COL18A1: variants seen among roughly 807,000 people sequenced by gnomAD.
COL18A1 encodes the protein collagen type XVIII alpha 1 chain.
Under a neutral mutation model 168.0 loss-of-function variants are expected in COL18A1, and 133 were observed. The observed-to-expected ratio is 0.79, with a 90% confidence interval of 0.69 to 0.91. COL18A1 has a LOEUF of 0.91. Ranked by LOEUF, COL18A1 falls within the 40% of genes least tolerant of loss-of-function variation. COL18A1 has a pLI of 0.00. For synonymous variants in COL18A1, 949 were observed against 809.0 expected (o/e 1.17, Z -2.94); for missense variants, 2,126 against 1,925.4 (o/e 1.10, Z -1.95).
intron 4 of COL18A1, 21 bp downstream of exon 4, chr21:45,474,002 G>A (rs756469157): frequency 9.6e-6 from 15 of 1,560,966 alleles, no homozygotes; most frequent in South Asian, 2.3e-5. Context: ...TCTGGGGCAC[G>A]GGTGGGGTCT....
chr21:45,407,186 C>G (rs550962361), intron 2 of COL18A1, among the ~76,000 whole-genome samples: 52 of 152,366 alleles, frequency 3.4e-4, no homozygotes, highest in African/African-American at 1.2e-3. Flanking sequence ...ACAGTCGCCC[C>G]CTTTAGGGGT....
intron 2 of COL18A1, among the ~76,000 whole-genome samples, chr21:45,451,231 A>G (rs1014448498): frequency 5.3e-5 from 8 of 152,230 alleles, no homozygotes; most frequent in Non-Finnish European, 1.0e-4. Flanking sequence ...CCATGGTACC[A>G]CAGCACTGTA....
At chr21:45,503,706 C>T (rs1424797035) in intron 32 of COL18A1, among the ~76,000 whole-genome samples, 2 of 151,422 alleles carry the variant, frequency 1.3e-5, no homozygotes, top group Non-Finnish European at 2.9e-5. Context: ...TTAGTGGGTG[C>T]AGCACACCAG....
rs192300930 is a variant in COL18A1 at position 45,490,177 on chromosome 21, C to T, written c.1960-98C>T. 6,175 of 968,790 alleles carry T rather than the reference C, an allele frequency of 6.4e-3. 28 individuals carry two copies. Among genetic ancestry groups the T allele is most frequent in the Non-Finnish European group, 8.0e-3 (5,072 of 630,502 alleles). 60.0% of individuals were successfully genotyped at this position (968,790 alleles called of 1,614,324 possible). ...CAGGGGTGAGAGAGAGAAGTCCAGG[C>T]CATCGCCACGTCCACGGGTGCCCCG... On this transcript the variant is annotated intron_variant, in intron 19 of 41. Transcript: ENST00000651438.
At chr21:45,494,387 C>T in intron 26 of COL18A1, 158 bp from the exon 27 acceptor site, 1 of 1,021,782 alleles carries the variant, frequency 9.8e-7, no homozygotes, top group Non-Finnish European at 1.5e-6. Flanking sequence ...TTGGGGACGG[C>T]CCAGTGCACC....
At position 45,492,713 on chromosome 21, in the gene COL18A1, C is replaced by T. The variant is rs199910738; in HGVS notation, c.2214C>T (p.Pro738=). 8.0e-5 allele frequency: 128 copies of T among 1,606,380 alleles called. 1 individual carries two copies. In the East Asian group the frequency reaches 1.8e-3, roughly 23 times the overall value. Residue 738 remains proline, a splice_region_variant and synonymous_variant, in exon 24 of 42, where the codon CCC becomes CCT. Transcript: ENST00000651438. ...GCCGGCCGGGTTTCGCAGGCTTTCC[C>T]GTGAGTAACCTGGTGCCAGAGCTGC... ...PEGRPGFAGF[P]GPAGPKGNLG...
chr21:45,428,019 C>A (rs1408768690), intron 2 of COL18A1, among the ~76,000 whole-genome samples: 1 of 152,204 alleles, frequency 6.6e-6, no homozygotes, highest in Non-Finnish European at 1.5e-5. Flanking sequence ...ACAGCCAACG[C>A]AGCCTACTCC....
chr21:45,414,524 G>A (rs147041889), intron 2 of COL18A1, among the ~76,000 whole-genome samples: 202 of 152,280 alleles, frequency 1.3e-3, no homozygotes, highest in African/African-American at 4.7e-3. Context: ...GGGACGTCTG[G>A]CATTTTAACA....
chr21:45,476,346 T>A lies in COL18A1; in HGVS notation c.799-5T>A, dbSNP rs1208743743. 1.9e-6 allele frequency: 3 copies of A among 1,613,900 alleles called. No individual in the cohort carries two copies. The highest frequency in any genetic ancestry group is 2.7e-5 in the African/African-American group (2 of 75,048). On this transcript the variant is annotated splice_polypyrimidine_tract_variant and splice_region_variant and intron_variant, in intron 5 of 41. Transcript: ENST00000651438. ...TAACAGGCCACCTCCCCTCTCGTCC[T>A]CCAGGGCGCGGCCCTAAAACCCAGG...
rs1319860336 is a variant in COL18A1, at chr21:45,510,179, C to T, written c.3611C>T (p.Ala1204Val). ...GTGGGGCTGGCGGGCACCTTCCGCG[C>T]CTTCCTGTCCTCGCGCCTGCAGGAC... ...RAVGLAGTFR[A>V]FLSSRLQDLY... The change falls in exon 40 of 42, where the codon GCC (alanine) becomes GTC (valine). Residue 1204 changes from alanine to valine, a missense_variant. Transcript: ENST00000651438. 9 of 1,597,264 alleles carry T rather than the reference C, an allele frequency of 5.6e-6. No individual in the cohort carries two copies. Among genetic ancestry groups the T allele is most frequent in the Middle Eastern group, 1.7e-4 (1 of 6,022 alleles).
chr21:45,466,156 C>T (rs940383653), intron 2 of COL18A1, among the ~76,000 whole-genome samples: 1 of 152,148 alleles, frequency 6.6e-6, no homozygotes, highest in African/African-American at 2.4e-5. Flanking sequence ...GATGGACGTC[C>T]CCGGTCCCCT....
intron 29 of COL18A1, 122 bp downstream of exon 29, chr21:45,495,554 G>A: frequency 2.5e-6 from 2 of 800,670 alleles, no homozygotes; most frequent in Non-Finnish European, 4.3e-6. Context: ...CTGCCATGTG[G>A]CCACACAGCA....
chr21:45,474,533 G>A (rs1454613539), intron 4 of COL18A1, among the ~76,000 whole-genome samples: 2 of 151,854 alleles, frequency 1.3e-5, no homozygotes, highest in Non-Finnish European at 2.9e-5. Flanking sequence ...GTGTCTGCAT[G>A]TCTGCATGGT....
intron 2 of COL18A1, among the ~76,000 whole-genome samples, chr21:45,462,757 C>A (rs965932206): frequency 6.6e-6 from 1 of 152,134 alleles, no homozygotes; most frequent in Non-Finnish European, 1.5e-5. Flanking sequence ...GAGACAGCTT[C>A]TGTTAATTTA....
At chr21:45,467,549 C>A in intron 2 of COL18A1, 1 of 629,958 alleles carries the variant, frequency 1.6e-6, no homozygotes, top group Non-Finnish European at 2.0e-6. Flanking sequence ...AGCCGGTGAC[C>A]GACAGCGCTG....
chr21:45,485,950 G>A (rs536177489), intron 15 of COL18A1, among the ~76,000 whole-genome samples: 5 of 152,328 alleles, frequency 3.3e-5, no homozygotes, highest in East Asian at 1.9e-4. Flanking sequence ...GGGCCTCTCC[G>A]TCTACAGCCA....
intron 32 of COL18A1, among the ~76,000 whole-genome samples, chr21:45,499,655 T>C (rs929338912): frequency 4.0e-5 from 6 of 151,786 alleles, no homozygotes; most frequent in Admixed American, 6.6e-5. Context: ...TGGTGTCCCA[T>C]CGTCAGTGCA....
chr21:45,460,460 C>T (rs538877992), intron 2 of COL18A1, among the ~76,000 whole-genome samples: 1 of 152,326 alleles, frequency 6.6e-6, no homozygotes, highest in East Asian at 1.9e-4. Flanking sequence ...CCACCCCCAT[C>T]ACTGGACATT....
At chr21:45,508,709 A>T (rs114834044) in intron 38 of COL18A1, among the ~76,000 whole-genome samples, 2,314 of 152,068 alleles carry the variant, frequency 0.015, 28 homozygotes, top group African/African-American at 0.036. Context: ...GTCTGCTCTC[A>T]CTCATTTGCT....
Sources: gnomAD v4.1 joint callset for allele counts (sites outside exome capture counted in the v4.1 genomes callset) on GRCh38, gnomAD v4.1.1 for gene constraint, MANE v1.5 for transcripts, NCBI Gene and HGNC (gene_info 2026-07-23, HGNC 2026-07-21) for gene names.